MED25: variants seen among roughly 807,000 people sequenced by gnomAD.
The protein encoded by MED25 is mediator complex subunit 25.
Under a neutral mutation model 89.4 loss-of-function variants are expected in MED25, and 62 were observed. The ratio of observed to expected loss-of-function variants is 0.69; its 90% CI spans 0.57 to 0.86. The LOEUF is 0.86. Among genes scored for constraint, MED25 ranks in the 40% least tolerant of loss-of-function variants. The pLI is 0.00. For missense variants in MED25, 905 were observed against 1,005.2 expected (o/e 0.90, Z 1.35); for synonymous variants, 449 against 427.9 (o/e 1.05, Z -0.61).
intron 3 of MED25, among the ~76,000 whole-genome samples, chr19:49,824,903 C>G (rs929184652): frequency 2.0e-5 from 3 of 152,082 alleles, no homozygotes; most frequent in Admixed American, 6.5e-5. Context: ...GCAGAGACCC[C>G]GGGGAATGAT....
At chr19:49,838,619 G>C (rs548676051), downstream of MED25, 1 of 457,248 alleles carries the variant, frequency 2.2e-6, no homozygotes, top group African/African-American at 2.0e-5. Flanking sequence ...CGTGTGTTTC[G>C]AGAAAAATGG....
rs528044382 is a variant in MED25 at position 49,831,260 on chromosome 19, G to T, written c.1102-73G>T. The T allele has an allele frequency of 1.5e-5, 23 of 1,503,744 alleles. No individual in the cohort carries two copies. The African/African-American group carries it at 2.3e-4, about 15-fold the overall frequency. 93.2% of individuals were successfully genotyped at this position (1,503,744 alleles called of 1,614,324 possible). On this transcript the variant is annotated intron_variant, in intron 9 of 17. Coordinates refer to ENST00000312865, the MANE Select transcript of MED25 (RefSeq NM_030973.4). The surrounding 1 kb of genome is among the most constrained non-coding windows in gnomAD (Gnocchi z 5.0). ...AGGGATCTTTCCTCCTTCCTGGTTT[G>T]CCCTCACAGGATGGCCCCCGGAGGC...
In MED25 at chr19:49,835,681, G is replaced by A. The variant is rs762022809; in HGVS notation, c.1747-46G>A. The A allele has an allele frequency of 7.6e-6, 12 of 1,589,232 alleles. No individual in the cohort carries two copies. Among genetic ancestry groups the A allele is most frequent in the East Asian group, 4.6e-5 (2 of 43,014 alleles). ...TGCGCTCTGTGCCTGCAGAAGGGGC[G>A]TGAGGCCCTGCCCATCTCCCTCACC... On this transcript the variant is annotated intron_variant, in intron 15 of 17. Coordinates refer to ENST00000312865, the MANE Select transcript of MED25 (RefSeq NM_030973.4). This position sits in a 1 kb window ranked among gnomAD's most constrained non-coding sequence, Gnocchi z 6.2.
In MED25 at chr19:49,830,310, G is replaced by A. The variant is rs2123879405; in HGVS notation, c.819+92G>A. ...ATCTAGTTGCATGTTGGAGCTTGTG[G>A]GATGATGGGAGTCCCATGGGACATT... On this transcript the variant is annotated intron_variant, in intron 7 of 17. Coordinates refer to ENST00000312865, the MANE Select transcript of MED25 (RefSeq NM_030973.4). This position sits in a 1 kb window ranked among gnomAD's most constrained non-coding sequence, Gnocchi z 4.6. The A allele has an allele frequency of 7.3e-7, 1 of 1,363,016 alleles. No individual in the cohort carries two copies. Among genetic ancestry groups the A allele is most frequent in the Non-Finnish European group, 1.0e-6 (1 of 977,976 alleles). 84.4% of individuals were successfully genotyped at this position (1,363,016 alleles called of 1,614,324 possible).
intron 3 of MED25, among the ~76,000 whole-genome samples, chr19:49,827,699 T>A (rs952553521): frequency 2.0e-5 from 3 of 152,200 alleles, no homozygotes; most frequent in African/African-American, 7.2e-5. Context: ...CCTCAACCTG[T>A]CTTTTTGAAG....
intron 3 of MED25, among the ~76,000 whole-genome samples, chr19:49,823,383 A>G (rs1336765248): frequency 2.0e-5 from 3 of 152,174 alleles, no homozygotes; most frequent in African/African-American, 7.2e-5. Flanking sequence ...GGGGCTGGGT[A>G]CCGCAACCTC....
chr19:49,822,640 CTTTTTTTTTTTTTT>C (rs536060694), intron 3 of MED25, among the ~76,000 whole-genome samples: 7 of 68,244 alleles, frequency 1.0e-4, no homozygotes, highest in African/African-American at 3.8e-4. Flanking sequence ...CTGTTACATT[CTTTTTTTTTTTTTT>C]TTTTTTTTTT....
chr19:49,827,965 C>G (rs551629077), intron 3 of MED25, among the ~76,000 whole-genome samples: 60 of 152,096 alleles, frequency 3.9e-4, no homozygotes, highest in Non-Finnish European at 7.8e-4. Context: ...TGTGGTGGCT[C>G]ACTCCTGCAA....
At position 49,836,592 on chromosome 19, in the gene MED25, G is replaced by A. The variant is rs1306720394; in HGVS notation, c.2146+186G>A. On this transcript the variant is annotated intron_variant, in intron 17 of 17. Coordinates refer to ENST00000312865, the MANE Select transcript of MED25 (RefSeq NM_030973.4). This position sits in a 1 kb window ranked among gnomAD's most constrained non-coding sequence, Gnocchi z 5.1. ...CAGCCCATGGGTCCAAGGACCTAGT[G>A]GGTTAAGAGCGTTTCCCATGATCCT... 2 of 790,786 alleles carry A rather than the reference G, an allele frequency of 2.5e-6. No individual in the cohort carries two copies. Among genetic ancestry groups the A allele is most frequent in the African/African-American group, 1.7e-5 (1 of 58,570 alleles). 49.0% of individuals were successfully genotyped at this position (790,786 alleles called of 1,614,324 possible).
Position 49,831,833 on chromosome 19 carries a change from G to T in MED25, c.1231-103G>T. 9.2e-7 allele frequency: 1 copy of T among 1,090,174 alleles called. No homozygotes were observed. The highest frequency in any genetic ancestry group is 1.4e-6 in the Non-Finnish European group (1 of 711,860). The allele number at this position is 1,090,174 out of a possible 1,614,324, so 67.5% of individuals were successfully genotyped here. ...GCCTGGGGCTCATGGGACTTAAACT[G>T]GGGAACATCCTGAGCTTTGGGGCTA... On this transcript the variant is annotated intron_variant, in intron 10 of 17. Coordinates refer to ENST00000312865, the MANE Select transcript of MED25 (RefSeq NM_030973.4). The surrounding 1 kb of genome is among the most constrained non-coding windows in gnomAD (Gnocchi z 5.0).
intron 2 of MED25, chr19:49,818,822 G>A: frequency 1.6e-6 from 1 of 627,342 alleles, no homozygotes; most frequent in Non-Finnish European, 2.8e-6. Context: ...CGGATTCCTG[G>A]GTCCGAGGGA....
chr19:49,824,587 GA>G lies in MED25; in HGVS notation c.306-3844del, dbSNP rs71180656. 9.2e-3 allele frequency among the ~76,000 whole-genome samples: 1,137 copies of G among 122,920 alleles called. 11 individuals carry two copies. Among genetic ancestry groups the G allele is most frequent in the African/African-American group, 0.026 (864 of 33,294 alleles). The allele number at this position is 122,920 out of a possible 152,430, so 80.6% of individuals were successfully genotyped here. A position where few individuals can be genotyped will look rare whatever the true frequency, so the allele number is the denominator to read the frequency against. On this transcript the variant is annotated intron_variant, in intron 3 of 17. Coordinates refer to ENST00000312865, the MANE Select transcript of MED25 (RefSeq NM_030973.4). ...GTGAAAGAGCGAGACCCTGTCTCGG[GA>G]AAAAAAAAAAAAAAAAAGAGGTGGA...
downstream of MED25, chr19:49,840,325 C>G (rs2074124873): frequency 6.6e-6 from 1 of 151,988 alleles, no homozygotes; most frequent in Non-Finnish European, 1.5e-5. Context: ...CAGTAACATC[C>G]ATGTTTGTAT....
chr19:49,838,206 C>A (rs972743184), downstream of MED25, among the ~76,000 whole-genome samples: 1 of 152,144 alleles, frequency 6.6e-6, no homozygotes, highest in African/African-American at 2.4e-5. Context: ...TATGGGCCAT[C>A]GTGCGGATGA....
chr19:49,834,017 C>T lies in MED25; in HGVS notation c.1483-969C>T, dbSNP rs1413354529. 2.0e-5 allele frequency: 3 copies of T among 152,250 alleles called. No individual in the cohort carries two copies. The highest frequency in any genetic ancestry group is 1.9e-4 in the East Asian group (1 of 5,200). The allele number at this position is 152,250 out of a possible 1,614,324, so 9.4% of individuals were successfully genotyped here. ...GTTCTCTTGGCCTCTCCTTTATAGTCACAAGGTAGCTCTCATGGCTCCACG... is the reference window on the plus strand; with the variant it reads ...GTTCTCTTGGCCTCTCCTTTATAGTTACAAGGTAGCTCTCATGGCTCCACG... On this transcript the variant is annotated intron_variant, in intron 13 of 17. Transcript: ENST00000312865. This position sits in a 1 kb window ranked among gnomAD's most constrained non-coding sequence, Gnocchi z 4.1.
chr19:49,831,307 T>C lies in MED25; in HGVS notation c.1102-26T>C. 1 of 1,606,258 alleles carries C rather than the reference T, an allele frequency of 6.2e-7. No homozygotes were observed. The highest frequency in any genetic ancestry group is 8.5e-7 in the Non-Finnish European group (1 of 1,177,448). On this transcript the variant is annotated intron_variant, in intron 9 of 17. Coordinates refer to ENST00000312865, the MANE Select transcript of MED25 (RefSeq NM_030973.4). The surrounding 1 kb of genome is among the most constrained non-coding windows in gnomAD (Gnocchi z 5.0). ...AGGCTCCCGGCCTTCCCCATTCTCA[T>C]GGCCCTCCTTCCTCCCCTCTGGCAG... is the stretch of plus-strand genomic sequence containing the variant.
chr19:49,828,858 G>A, intron 4 of MED25, 112 bp from the exon 5 acceptor site: 1 of 1,552,202 alleles, frequency 6.4e-7, no homozygotes, highest in Middle Eastern at 1.9e-4. Flanking sequence ...TAGGGGCGTT[G>A]CTTCTGATTC....
chr19:49,818,674 G>A, intron 2 of MED25, 58 bp downstream of exon 2: 2 of 1,517,420 alleles, frequency 1.3e-6, no homozygotes, highest in Non-Finnish European at 1.8e-6. Context: ...GGACTCCTGG[G>A]TCTGAGGGAG....
chr19:49,832,818 GCT>G, intron 13 of MED25: 1 of 330,248 alleles, frequency 3.0e-6, no homozygotes, highest in Non-Finnish European at 5.9e-6. Flanking sequence ...GCAGGGCCAC[GCT>G]CTCTCTAGAG....
Sources: allele counts gnomAD v4.1 joint callset (sites outside exome capture counted in the v4.1 genomes callset), GRCh38; gene constraint gnomAD v4.1.1; non-coding constraint Gnocchi (gnomAD v3.1); transcripts MANE v1.5; gene names NCBI Gene and HGNC (gene_info 2026-07-23, HGNC 2026-07-21).